The following ERCC6L2 variants were observed in gnomAD, a reference collection of about 807,000 sequenced individuals.
ERCC6L2 encodes DNA excision repair protein ERCC-6-like 2.
In ERCC6L2, 77 loss-of-function variants were observed where a neutral mutation model predicts 132.0. The observed-to-expected ratio is 0.58, with a 90% CI of 0.49 to 0.71. The LOEUF is 0.71. Among genes scored for constraint, ERCC6L2 ranks in the 30% least tolerant of loss-of-function variants. ERCC6L2 has a pLI of 0.00. For missense variants in ERCC6L2, 1,542 were observed against 1,837.6 expected (o/e 0.84, Z 2.94); for synonymous variants, 583 against 632.4 (o/e 0.92, Z 1.17).
intron 2 of ERCC6L2, among the ~76,000 whole-genome samples, chr9:95,890,576 T>G (rs1237085682): frequency 6.6e-6 from 1 of 152,196 alleles, no homozygotes; most frequent in East Asian, 1.9e-4. Flanking sequence ...TTAGACAACA[T>G]AATTTGCAAA....
chr9:95,931,579 T>C (rs1830341238), intron 11 of ERCC6L2, among the ~76,000 whole-genome samples: 1 of 152,242 alleles, frequency 6.6e-6, no homozygotes, highest in Admixed American at 6.5e-5. Flanking sequence ...TCTCACTTAA[T>C]TGATACTTTG....
At chr9:95,886,019 CTT>C (rs915035177) in intron 2 of ERCC6L2, among the ~76,000 whole-genome samples, 15 of 152,018 alleles carry the variant, frequency 9.9e-5, no homozygotes, top group Admixed American at 8.5e-4. Context: ...TTGTTGTTCT[CTT>C]TTTGTTTTTT....
At chr9:95,894,238 G>C (rs76481961) in intron 2 of ERCC6L2, among the ~76,000 whole-genome samples, 1 of 152,210 alleles carries the variant, frequency 6.6e-6, no homozygotes, top group South Asian at 2.1e-4. Context: ...TTGATTTACA[G>C]TTATACTGAA....
At chr9:95,983,822 A>G (rs958685101) in intron 17 of ERCC6L2, among the ~76,000 whole-genome samples, 2 of 152,220 alleles carry the variant, frequency 1.3e-5, no homozygotes, top group Non-Finnish European at 2.9e-5. Context: ...ATAAGAGGAT[A>G]AGTAACTCCC....
intron 12 of ERCC6L2, among the ~76,000 whole-genome samples, chr9:95,945,135 A>G (rs953388020): frequency 6.6e-6 from 1 of 152,206 alleles, no homozygotes; most frequent in African/African-American, 2.4e-5. Flanking sequence ...TCCCTACAGT[A>G]GTGACCATAA....
chr9:95,924,788 T>C (rs1830031900), intron 9 of ERCC6L2, among the ~76,000 whole-genome samples: 1 of 152,132 alleles, frequency 6.6e-6, no homozygotes. Flanking sequence ...TATTTTAATT[T>C]TTAGGAGGGA....
intron 4 of ERCC6L2, among the ~76,000 whole-genome samples, chr9:95,909,497 T>A (rs1829239567): frequency 6.6e-6 from 1 of 152,204 alleles, no homozygotes; most frequent in Non-Finnish European, 1.5e-5. Context: ...TGATTTTAAT[T>A]TCTGCCACTT....
chr9:96,030,059 A>T (rs1834433705), intron 19 of ERCC6L2, among the ~76,000 whole-genome samples: 1 of 152,142 alleles, frequency 6.6e-6, no homozygotes, highest in African/African-American at 2.4e-5. Context: ...GACTTGGAGA[A>T]CTTTTCTGTC....
intron 3 of ERCC6L2, among the ~76,000 whole-genome samples, chr9:95,900,352 C>T (rs1828706844): frequency 1.3e-5 from 2 of 151,790 alleles, no homozygotes; most frequent in African/African-American, 4.8e-5. Flanking sequence ...CATGCCAATG[C>T]ACTCCAGCCT....
chr9:95,925,366 C>T (rs1830056015), intron 9 of ERCC6L2, among the ~76,000 whole-genome samples: 1 of 152,194 alleles, frequency 6.6e-6, no homozygotes. Context: ...CTGCTGAAGT[C>T]ACACAAGGGT....
intron 2 of ERCC6L2, among the ~76,000 whole-genome samples, chr9:95,896,828 G>A (rs1445449279): frequency 6.6e-6 from 1 of 151,906 alleles, no homozygotes; most frequent in Non-Finnish European, 1.5e-5. Flanking sequence ...GTTTGTTTTT[G>A]GTTTTCATTT....
At chr9:95,958,402 C>T (rs1237028992) in intron 13 of ERCC6L2, among the ~76,000 whole-genome samples, 2 of 152,100 alleles carry the variant, frequency 1.3e-5, no homozygotes, top group Admixed American at 1.3e-4. Context: ...AATGGTATTT[C>T]TAGTTCTAGG....
chr9:95,979,212 G>A (rs943899638), intron 17 of ERCC6L2, among the ~76,000 whole-genome samples: 3 of 152,154 alleles, frequency 2.0e-5, no homozygotes, highest in Admixed American at 2.0e-4. Context: ...CTCAGCTAGT[G>A]CATGTGGAAA....
chr9:96,032,887 T>C (rs1160934749), intron 19 of ERCC6L2, among the ~76,000 whole-genome samples: 1 of 152,162 alleles, frequency 6.6e-6, no homozygotes, highest in African/African-American at 2.4e-5. Context: ...CTCTTTCTAC[T>C]TATCAAGCAT....
rs1312700611 is a variant in ERCC6L2 at position 95,953,148 on chromosome 9, AT to A, written c.1848-2765del. Among the ~76,000 whole-genome samples, 3 of 152,218 alleles carry A rather than the reference AT, an allele frequency of 2.0e-5. No homozygotes were observed. In the East Asian group the frequency reaches 5.8e-4, roughly 29 times the overall value. ...AAGTGCCTGTAGCTATATAGGTGTT[AT>A]AGTTGCATAACAGTGTGGATATACC... On this transcript the variant is annotated intron_variant, in intron 12 of 18. Coordinates refer to ENST00000653738, the MANE Select transcript of ERCC6L2 (RefSeq NM_020207.7).
chr9:95,952,953 C>G (rs141141368), intron 12 of ERCC6L2, among the ~76,000 whole-genome samples: 1 of 152,092 alleles, frequency 6.6e-6, no homozygotes, highest in Non-Finnish European at 1.5e-5. Context: ...ATATCAGCTA[C>G]GAAGAATGGA....
chr9:95,964,564 G>A (rs1176966333), intron 13 of ERCC6L2, among the ~76,000 whole-genome samples: 1 of 152,132 alleles, frequency 6.6e-6, no homozygotes, highest in African/African-American at 2.4e-5. Flanking sequence ...GGGTCAGAGA[G>A]AAAAATAATG....
chr9:95,876,179 C>T, intron 1 of ERCC6L2, 95 bp downstream of exon 1: 3 of 1,158,896 alleles, frequency 2.6e-6, no homozygotes, highest in Non-Finnish European at 2.5e-6. Context: ...GGGTTTTGCC[C>T]TGTAGATCCT....
At chr9:95,884,983 G>A (rs1390333863) in intron 2 of ERCC6L2, among the ~76,000 whole-genome samples, 2 of 152,142 alleles carry the variant, frequency 1.3e-5, no homozygotes, top group Non-Finnish European at 2.9e-5. Context: ...AGAGGGCACA[G>A]ATAAATATGC....
Sources: gnomAD v4.1 joint callset for allele counts (sites outside exome capture counted in the v4.1 genomes callset) on GRCh38, gnomAD v4.1.1 for gene constraint, MANE v1.5 for transcripts, NCBI Gene and HGNC (gene_info 2026-07-23, HGNC 2026-07-21) for gene names.